Variants in DOCK5 observed in about 807,000 individuals in gnomAD.
The protein encoded by DOCK5 is dedicator of cytokinesis 5, also known as dedicator of cytokinesis protein 5.
In DOCK5, 142 loss-of-function variants were observed where a neutral mutation model predicts 251.8. That is an observed-to-expected ratio of 0.56 (90% confidence interval 0.49 to 0.65). The LOEUF (loss-of-function observed/expected upper bound fraction) is 0.65. DOCK5 is among the 30% of genes least tolerant of loss of function. The pLI is 0.00. For synonymous variants in DOCK5, 842 were observed against 835.5 expected, an observed-to-expected ratio of 1.01 and a Z score of -0.13; for missense variants, 2,111 against 2,312.3, an observed-to-expected ratio of 0.91 and a Z score of 1.79.
In DOCK5 at chr8:25,413,252, A is replaced by G. The variant is rs1221710955; in HGVS notation, c.*1954A>G. On this transcript the variant is annotated 3_prime_UTR_variant, in exon 52 of 52. Transcript: ENST00000276440. ...TCTGCTAGGCCTGAGTAGGAACTGG[A>G]ACTCTCTAAGAGCATTACTCATACT... 1 of 152,174 alleles carries G rather than the reference A, an allele frequency of 6.6e-6. No individual in the cohort carries two copies. Among genetic ancestry groups the G allele is most frequent in the East Asian group, 1.9e-4 (1 of 5,192 alleles). 9.4% of individuals were successfully genotyped at this position (152,174 alleles called of 1,614,324 possible). A position where few individuals can be genotyped will look rare whatever the true frequency, so the allele number is the denominator to read the frequency against.
intron 28 of DOCK5, among the ~76,000 whole-genome samples, chr8:25,360,370 A>G (rs1255560227): frequency 6.6e-6 from 1 of 152,202 alleles, no homozygotes; most frequent in African/African-American, 2.4e-5. Flanking sequence ...ATGGCATGGG[A>G]ACCATAGCAA....
chr8:25,318,509 C>T (rs1805326576), intron 14 of DOCK5, among the ~76,000 whole-genome samples: 1 of 142,368 alleles, frequency 7.0e-6, no homozygotes, highest in African/African-American at 2.6e-5. Flanking sequence ...TCTCCTCCCC[C>T]ACTTCCCCTC....
At chr8:25,246,750 GT>G (rs1351859126) in intron 2 of DOCK5, among the ~76,000 whole-genome samples, 25 of 144,270 alleles carry the variant, frequency 1.7e-4, no homozygotes, top group African/African-American at 4.5e-4. Flanking sequence ...GTGTGTGTGT[GT>G]GTGTGGCGGG....
At chr8:25,189,990 G>A (rs1358790584) in intron 1 of DOCK5, among the ~76,000 whole-genome samples, 7 of 151,988 alleles carry the variant, frequency 4.6e-5, no homozygotes, top group Admixed American at 1.3e-4. Flanking sequence ...GGGTTCAAGC[G>A]ATTCTCCTGC....
At chr8:25,282,336 A>G (rs1169000619) in intron 5 of DOCK5, among the ~76,000 whole-genome samples, 5 of 152,088 alleles carry the variant, frequency 3.3e-5, no homozygotes, top group Non-Finnish European at 5.9e-5. Flanking sequence ...AAACATCAAT[A>G]TTATGTTTCA....
intron 1 of DOCK5, among the ~76,000 whole-genome samples, chr8:25,233,946 G>A (rs140210492): frequency 2.6e-5 from 4 of 152,118 alleles, no homozygotes. Flanking sequence ...ATTTCAGTAG[G>A]GTGTGATTCT....
chr8:25,224,403 G>A (rs1209486972), intron 1 of DOCK5, among the ~76,000 whole-genome samples: 1 of 152,184 alleles, frequency 6.6e-6, no homozygotes, highest in African/African-American at 2.4e-5. Flanking sequence ...ACAGGCATGC[G>A]CCACAGCTCC....
chr8:25,298,765 G>A (rs1804681664), intron 7 of DOCK5, among the ~76,000 whole-genome samples, 179 bp from the exon 8 acceptor site: 1 of 151,988 alleles, frequency 6.6e-6, no homozygotes, highest in African/African-American at 2.4e-5. Flanking sequence ...GAGGCTTGCT[G>A]TGTTGCCCAG....
Position 25,293,377 on chromosome 8 carries a change from A to G in DOCK5, c.470+1205A>G, listed in dbSNP as rs572791377. Among the ~76,000 whole-genome samples, 113 of 152,310 alleles carry G rather than the reference A, an allele frequency of 7.4e-4. 1 individual carries two copies. In the South Asian group the frequency reaches 0.022, roughly 30 times the overall value. ...AGCCGAAGTGAACATGCCATGCAGGATTCAGATTCAAGCAGTATTTAGGAA... is the reference window on the plus strand; with the variant it reads ...AGCCGAAGTGAACATGCCATGCAGGGTTCAGATTCAAGCAGTATTTAGGAA... On this transcript the variant is annotated intron_variant, in intron 6 of 51. Coordinates refer to ENST00000276440, the MANE Select transcript of DOCK5 (RefSeq NM_024940.8).
intron 28 of DOCK5, among the ~76,000 whole-genome samples, chr8:25,362,056 C>G (rs1284165090): frequency 6.6e-6 from 1 of 152,174 alleles, no homozygotes; most frequent in Non-Finnish European, 1.5e-5. Flanking sequence ...CTCACAGCCC[C>G]CTTTGGAGCA....
At chr8:25,350,318 G>GGACAGAT (rs1800443846) in intron 26 of DOCK5, among the ~76,000 whole-genome samples, 1 of 151,902 alleles carries the variant, frequency 6.6e-6, no homozygotes, top group African/African-American at 2.4e-5. Context: ...CATAAAGCAA[G>GGACAGAT]GACAGATAGA....
At chr8:25,318,664 A>G (rs1805335156) in intron 14 of DOCK5, among the ~76,000 whole-genome samples, 1 of 149,810 alleles carries the variant, frequency 6.7e-6, no homozygotes, top group Admixed American at 6.6e-5. Context: ...GCCCACATAA[A>G]GAAGTGAGTC....
At chr8:25,401,331 T>C (rs1479543752) in intron 47 of DOCK5, among the ~76,000 whole-genome samples, 1 of 151,838 alleles carries the variant, frequency 6.6e-6, no homozygotes, top group Non-Finnish European at 1.5e-5. Flanking sequence ...AACCCTGGAG[T>C]TTATGATTCC....
intron 5 of DOCK5, among the ~76,000 whole-genome samples, chr8:25,289,990 C>T (rs774155912): frequency 5.9e-5 from 9 of 152,106 alleles, no homozygotes; most frequent in Non-Finnish European, 8.8e-5. Context: ...CCCCTATATA[C>T]GCAAGATCAT....
intron 16 of DOCK5, among the ~76,000 whole-genome samples, chr8:25,322,150 C>T (rs563042071): frequency 6.6e-6 from 1 of 152,326 alleles, no homozygotes; most frequent in East Asian, 1.9e-4. Flanking sequence ...ACACCATCTA[C>T]ACAACAGGCT....
rs902318802 is a variant in DOCK5, at chr8:25,377,313, C to A, written c.3825C>A (p.Asp1275Glu). The A allele has an allele frequency of 5.0e-6, 8 of 1,612,408 alleles. No homozygotes were observed. In the African/African-American group the frequency reaches 8.0e-5, roughly 16 times the overall value. The stretch of plus-strand genomic sequence containing the variant: ...CTTTTCTTCCTTTTCAGTGGTCTGA[C>A]AAGCCCTGTGTGCCTCATTTGCTTC... ...LLHAELLQWS[D>E]KPCVPHLLQK... is the part of the protein sequence containing the mutation. The change falls in exon 38 of 52, where the codon GAC (aspartate) becomes GAA (glutamate). Residue 1275 changes from aspartate to glutamate, a missense_variant. By Grantham distance (45) the Asp-to-Glu change is conservative. Around this residue, in one of 3 missense-constraint regions of DOCK5, gnomAD observed 1,717 missense variants for 1,892.4 expected, o/e 0.91. Transcript: ENST00000276440.
chr8:25,185,385 C>T (rs114312106), intron 1 of DOCK5, among the ~76,000 whole-genome samples: 1 of 152,150 alleles, frequency 6.6e-6, no homozygotes, highest in Non-Finnish European at 1.5e-5. Context: ...TTCTGCCCCC[C>T]GCTTTCGTAG....
At chr8:25,331,794 A>G (rs1306171066) in intron 18 of DOCK5, among the ~76,000 whole-genome samples, 4 of 35,144 alleles carry the variant, frequency 1.1e-4, no homozygotes, top group Admixed American at 4.6e-4. Flanking sequence ...ATATATATAT[A>G]TATATATAGA....
chr8:25,235,478 C>CA (rs2117528949), intron 1 of DOCK5, among the ~76,000 whole-genome samples: 1 of 152,258 alleles, frequency 6.6e-6, no homozygotes, highest in Non-Finnish European at 1.5e-5. Flanking sequence ...AGGCTGGTCT[C>CA]AAACTCCTGA....
Sources: gnomAD v4.1 joint callset for allele counts (sites outside exome capture counted in the v4.1 genomes callset) on GRCh38, gnomAD v4.1.1 for gene constraint, gnomAD v4.1.1 regional missense constraint, MANE v1.5 for transcripts, NCBI Gene and HGNC (gene_info 2026-07-23, HGNC 2026-07-21) for gene names.